Variants in PLEKHG1 observed in about 807,000 individuals in gnomAD.
PLEKHG1 encodes pleckstrin homology and RhoGEF domain containing G1, also known as pleckstrin homology domain-containing family G member 1.
In PLEKHG1, 44 loss-of-function variants were observed where a neutral mutation model predicts 100.8. The ratio of observed to expected loss-of-function variants is 0.44; its 90% CI spans 0.34 to 0.56. The LOEUF (loss-of-function observed/expected upper bound fraction) is 0.56. Among genes scored for constraint, PLEKHG1 ranks in the 20% least tolerant of loss-of-function variants. The pLI is 0.01. For missense variants in PLEKHG1, 1,545 were observed against 1,720.9 expected (o/e 0.90, Z 1.81); for synonymous variants, 640 against 662.5 (o/e 0.97, Z 0.52).
At chr6:150,776,358 C>T (rs964396670) in intron 3 of PLEKHG1, among the ~76,000 whole-genome samples, 11 of 152,278 alleles carry the variant, frequency 7.2e-5, no homozygotes, top group East Asian at 1.9e-4. Context: ...TGTACATGTG[C>T]GGTTGCACAT....
Position 150,702,286 on chromosome 6 carries a change from A to G in PLEKHG1, c.-98-31298A>G, listed in dbSNP as rs534166979. Reference sequence around the variant, plus strand: ...GGAGTTCAAGACCAGCCTGCCCAGCATGGTGAAACCCTGTCTCTACTAAAA... The same window carrying G: ...GGAGTTCAAGACCAGCCTGCCCAGCGTGGTGAAACCCTGTCTCTACTAAAA... On this transcript the variant is annotated intron_variant, in intron 3 of 3. Transcript: ENST00000367326. 5.9e-5 allele frequency among the ~76,000 whole-genome samples: 9 copies of G among 152,318 alleles called. No homozygotes were observed. In the South Asian group the frequency reaches 1.7e-3, roughly 28 times the overall value.
At chr6:150,640,072 A>G (rs1222641601) in intron 2 of PLEKHG1, among the ~76,000 whole-genome samples, 1 of 152,238 alleles carries the variant, frequency 6.6e-6, no homozygotes, top group Non-Finnish European at 1.5e-5. Flanking sequence ...TTTCGATTCC[A>G]AAGCCACTGC....
Position 150,631,684 on chromosome 6 carries a change from C to T in PLEKHG1, c.-203-6396C>T, listed in dbSNP as rs531400228. On this transcript the variant is annotated intron_variant, in intron 1 of 3. Transcript: ENST00000367326. Reference sequence around the variant, plus strand: ...TCTTCTTTACCTGCTACAGTGGATTCGGGGGTTCCCCTTCCCCTTGCTGGC... The same window carrying T: ...TCTTCTTTACCTGCTACAGTGGATTTGGGGGTTCCCCTTCCCCTTGCTGGC... Among the ~76,000 whole-genome samples, 35 of 152,308 alleles carry T rather than the reference C, an allele frequency of 2.3e-4. 1 individual carries two copies. In the South Asian group the frequency reaches 6.8e-3, roughly 30 times the overall value.
At chr6:150,721,122 A>G in exon 1 of PLEKHG1, 13 of 984,148 alleles carry the variant, frequency 1.3e-5, no homozygotes, top group Non-Finnish European at 1.6e-5. Flanking sequence ...CAGACTAGCA[A>G]AGGCTGTTTC....
At chr6:150,608,024 A>G (rs1407780228) in intron 1 of PLEKHG1, among the ~76,000 whole-genome samples, 1 of 152,170 alleles carries the variant, frequency 6.6e-6, no homozygotes, top group African/African-American at 2.4e-5. Flanking sequence ...AAGGAACATC[A>G]TTTCATCACA....
intron 3 of PLEKHG1, 73 bp downstream of exon 2, chr6:150,650,859 G>A (rs1358137740): frequency 1.3e-5 from 2 of 152,108 alleles, no homozygotes; most frequent in African/African-American, 2.4e-5. Flanking sequence ...CATAATTTCA[G>A]TTTGTTAGTA....
chr6:150,766,052 A>G (rs1451329145), intron 2 of PLEKHG1, among the ~76,000 whole-genome samples: 2 of 152,228 alleles, frequency 1.3e-5, no homozygotes, highest in East Asian at 1.9e-4. Context: ...TCGTGTGCAA[A>G]TCTTATAATG....
At chr6:150,667,105 T>C (rs1779417705) in intron 3 of PLEKHG1, among the ~76,000 whole-genome samples, 1 of 151,174 alleles carries the variant, frequency 6.6e-6, no homozygotes, top group Non-Finnish European at 1.5e-5. Flanking sequence ...TGTGTGTTTG[T>C]GTGTGTGTGT....
intron 1 of PLEKHG1, among the ~76,000 whole-genome samples, chr6:150,604,767 C>T (rs747522965): frequency 2.6e-5 from 4 of 152,168 alleles, no homozygotes; most frequent in African/African-American, 7.2e-5. Flanking sequence ...CAGTGCCAGA[C>T]GTCAACATTC....
chr6:150,629,837 AAAT>A (rs1777673482), intron 1 of PLEKHG1, among the ~76,000 whole-genome samples: 1 of 152,210 alleles, frequency 6.6e-6, no homozygotes, highest in Non-Finnish European at 1.5e-5. Flanking sequence ...AATCAGACCA[AAAT>A]AATAATGATA....
intron 10 of PLEKHG1, among the ~76,000 whole-genome samples, chr6:150,816,637 T>C (rs775297677): frequency 2.5e-4 from 38 of 152,154 alleles, no homozygotes; most frequent in Non-Finnish European, 4.6e-4. Context: ...AACATACTTT[T>C]AAGGCCACCA....
At chr6:150,717,472 GC>G (rs1304895298), upstream of PLEKHG1, among the ~76,000 whole-genome samples, 1 of 152,102 alleles carries the variant, frequency 6.6e-6, no homozygotes, top group Non-Finnish European at 1.5e-5. Context: ...GACCCACCAC[GC>G]CCGGCCTGGG....
chr6:150,647,063 A>G (rs1778532183), intron 2 of PLEKHG1, among the ~76,000 whole-genome samples: 1 of 152,200 alleles, frequency 6.6e-6, no homozygotes, highest in Non-Finnish European at 1.5e-5. Context: ...GAACAAATTT[A>G]TTGGGCTCCT....
chr6:150,831,687 C>G lies in PLEKHG1; in HGVS notation c.2576C>G (p.Ala859Gly). Reference sequence around the variant, plus strand: ...GACAAGGCCAGAGACCGTCTCCTGGCAGCGTTTCCTGTGAGCAAGGATGAT... The same window carrying G: ...GACAAGGCCAGAGACCGTCTCCTGGGAGCGTTTCCTGTGAGCAAGGATGAT... The change falls in exon 15 of 16, where the codon GCA becomes GGA. Residue 859 changes from alanine (A) to glycine (G), a missense_variant. Physicochemically the swap from Ala to Gly is moderately conservative, Grantham distance 60. Transcript: ENST00000358517. This position sits in a 1 kb window ranked among gnomAD's most constrained non-coding sequence, Gnocchi z 4.1. The G allele has an allele frequency of 6.2e-7, 1 of 1,612,964 alleles. No individual in the cohort carries two copies. Among genetic ancestry groups the G allele is most frequent in the African/African-American group, 1.3e-5 (1 of 75,068 alleles).
intron 11 of PLEKHG1, among the ~76,000 whole-genome samples, chr6:150,819,259 G>A (rs1231752175): frequency 8.6e-5 from 13 of 151,890 alleles, no homozygotes; most frequent in Non-Finnish European, 4.4e-5. Context: ...ATCCATGTCA[G>A]ATGAAAAAGA....
chr6:150,809,041 C>T, intron 7 of PLEKHG1, 64 bp from the exon 9 acceptor site: 2 of 1,410,274 alleles, frequency 1.4e-6, no homozygotes, highest in Non-Finnish European at 2.0e-6. Flanking sequence ...AACAGATGGG[C>T]CACCAAGCCC....
chr6:150,753,150 TTAAAC>T (rs1314765815), intron 2 of PLEKHG1, among the ~76,000 whole-genome samples: 1 of 152,094 alleles, frequency 6.6e-6, no homozygotes, highest in Non-Finnish European at 1.5e-5. Context: ...CTTTGTTTTG[TTAAAC>T]TAATATAAAT....
intron 10 of PLEKHG1, among the ~76,000 whole-genome samples, chr6:150,810,940 T>G (rs1460593017): frequency 6.6e-6 from 1 of 151,894 alleles, no homozygotes; most frequent in Non-Finnish European, 1.5e-5. Context: ...AAAAAAAGAT[T>G]CACATGAATT....
chr6:150,677,120 G>GT (rs989990995), intron 3 of PLEKHG1, among the ~76,000 whole-genome samples: 1 of 152,140 alleles, frequency 6.6e-6, no homozygotes, highest in African/African-American at 2.4e-5. Context: ...CCTCTGGTCT[G>GT]TTTTCCAACT....
Sources: gnomAD v4.1 joint callset for allele counts (sites outside exome capture counted in the v4.1 genomes callset) on GRCh38, gnomAD v4.1.1 for gene constraint, Gnocchi (gnomAD v3.1) non-coding constraint, MANE v1.5 for transcripts, NCBI Gene and HGNC (gene_info 2026-07-23, HGNC 2026-07-21) for gene names.